ZNF282: variants seen among roughly 807,000 people sequenced by gnomAD.
ZNF282 encodes zinc finger protein 282.
Under a neutral mutation model 61.9 loss-of-function variants are expected in ZNF282, and 30 were observed. That is an observed-to-expected ratio of 0.48 (90% CI 0.36 to 0.66). The LOEUF (loss-of-function observed/expected upper bound fraction) is 0.66. Among genes scored for constraint, ZNF282 ranks in the 30% least tolerant of loss-of-function variants. The pLI, the probability that ZNF282 is intolerant of heterozygous loss-of-function variation, is 0.00. For synonymous variants in ZNF282, 396 were observed against 405.0 expected (o/e 0.98, Z 0.27); for missense variants, 788 against 941.4 (o/e 0.84, Z 2.13).
intron 2 of ZNF282, among the ~76,000 whole-genome samples, chr7:149,200,146 C>T (rs1795885604): frequency 6.6e-6 from 1 of 152,168 alleles, no homozygotes; most frequent in Non-Finnish European, 1.5e-5. Context: ...GGCCACCTGT[C>T]CTGTTTTGCA....
At chr7:149,217,746 G>C (rs890534661) in intron 7 of ZNF282, among the ~76,000 whole-genome samples, 4 of 152,112 alleles carry the variant, frequency 2.6e-5, no homozygotes, top group Admixed American at 2.6e-4. Flanking sequence ...AAAGGCCTCC[G>C]AGGGGAAGCG....
At chr7:149,201,988 T>A (rs1311861292) in intron 2 of ZNF282, among the ~76,000 whole-genome samples, 1 of 152,010 alleles carries the variant, frequency 6.6e-6, no homozygotes, top group Non-Finnish European at 1.5e-5. Flanking sequence ...TCGCCACCTC[T>A]TCCATCAGGG....
intron 7 of ZNF282, among the ~76,000 whole-genome samples, chr7:149,215,689 T>C (rs929312330): frequency 8.5e-5 from 13 of 152,208 alleles, no homozygotes; most frequent in Admixed American, 7.9e-4. Flanking sequence ...ATGTCCTTAT[T>C]TCAAGTAGAA....
In ZNF282 at chr7:149,195,700, C is replaced by A; in HGVS notation, c.111C>A (p.Cys37Ter). 1 of 1,562,878 alleles carries A rather than the reference C, an allele frequency of 6.4e-7. No individual in the cohort carries two copies. The change falls in exon 1 of 8, where the codon TGC (cysteine) becomes TGA (stop). Residue 37 changes from cysteine to a stop codon, truncating the protein, a stop_gained. Transcript: ENST00000610704. LOFTEE classifies it high-confidence loss of function. ...AGGCTCTGCCCCCGGAGGAGGTCTG[C>A]CACCAGGAGCCGGCGCTGCGCGGGG... ...WAQALPPEEV[C>*]HQEPALRGEM...
In ZNF282 at chr7:149,198,148, G is replaced by A. The variant is rs1307601589; in HGVS notation, c.166-185G>A. Among the ~76,000 whole-genome samples the A allele has an allele frequency of 6.6e-6, 1 of 152,104 alleles. No individual in the cohort carries two copies. Among genetic ancestry groups the A allele is most frequent in the Admixed American group, 6.5e-5 (1 of 15,282 alleles). On this transcript the variant is annotated intron_variant, in intron 1 of 7. Transcript: ENST00000610704. The surrounding 1 kb of genome is among the most constrained non-coding windows in gnomAD (Gnocchi z 4.3). ...TCACCTAGGCAGGAGATGGGAGAGT[G>A]TTGAGTTGGGTGGGTGGGTGAGTGG...
Position 149,212,491 on chromosome 7 carries a change from GAATC to G in ZNF282, c.1066+21_1066+24del. 3 of 1,540,148 alleles carry G rather than the reference GAATC, an allele frequency of 1.9e-6. No individual in the cohort carries two copies. The highest frequency in any genetic ancestry group is 2.3e-5 in the South Asian group (2 of 85,182). On this transcript the variant is annotated intron_variant, in intron 6 of 7. Coordinates refer to ENST00000610704, the MANE Select transcript of ZNF282 (RefSeq NM_003575.4). The stretch of plus-strand genomic sequence containing the variant: ...ATTCAGGTGAGAACAAGGTCAGAAT[GAATC>G]TTGAGGGCAACAAGTGTTTTTCAAA...
intron 2 of ZNF282, among the ~76,000 whole-genome samples, chr7:149,201,077 G>A (rs188199031): frequency 6.6e-5 from 10 of 152,230 alleles, no homozygotes; most frequent in South Asian, 4.2e-4. Flanking sequence ...AGTGAACTGC[G>A]GATCGCCTGC....
intron 7 of ZNF282, among the ~76,000 whole-genome samples, chr7:149,221,250 A>G (rs1267289087): frequency 1.3e-5 from 2 of 152,214 alleles, no homozygotes; most frequent in African/African-American, 2.4e-5. Flanking sequence ...GCCTGAGTGC[A>G]GTCACAGGAC....
chr7:149,211,301 G>A (rs1796081197), intron 5 of ZNF282, among the ~76,000 whole-genome samples: 1 of 152,160 alleles, frequency 6.6e-6, no homozygotes. Flanking sequence ...TTATTTTAAG[G>A]AATTGGCTTG....
intron 2 of ZNF282, among the ~76,000 whole-genome samples, chr7:149,203,079 T>G (rs1192231459): frequency 6.6e-6 from 1 of 152,212 alleles, no homozygotes; most frequent in African/African-American, 2.4e-5. Context: ...GCAAAACATT[T>G]CCTGGCACTG....
chr7:149,224,106 C>G lies in ZNF282; in HGVS notation c.1475C>G (p.Ala492Gly). The G allele has an allele frequency of 7.1e-7, 1 of 1,407,116 alleles. No individual in the cohort carries two copies. 87.2% of individuals were successfully genotyped at this position (1,407,116 alleles called of 1,614,324 possible). Residue 492 changes from alanine (A) to glycine (G), a missense_variant, in exon 8 of 8, where the codon GCA becomes GGA. By Grantham distance (60) the Ala-to-Gly change is moderately conservative. This residue lies in a region of ZNF282 where 559 missense variants were observed against 642.0 expected (regional missense o/e 0.87). Transcript: ENST00000610704. Reference sequence around the variant, plus strand: ...GGCGGCGCGGAGGCGGGGACGGGGGCAGGCGGCGGCTGTGGCAGCTGCTGC... The same window carrying G: ...GGCGGCGCGGAGGCGGGGACGGGGGGAGGCGGCGGCTGTGGCAGCTGCTGC... Reference protein sequence around the residue: ...GGGGAEAGTGAGGGCGSCCPG... With the variant: ...GGGGAEAGTGGGGGCGSCCPG...
intron 2 of ZNF282, among the ~76,000 whole-genome samples, chr7:149,203,137 C>T (rs1256419741): frequency 6.6e-6 from 1 of 152,212 alleles, no homozygotes; most frequent in African/African-American, 2.4e-5. Flanking sequence ...TGTCGCTTGT[C>T]TAGCACAATC....
In ZNF282 at chr7:149,207,401, A is replaced by G; in HGVS notation, c.763A>G (p.Arg255Gly). The G allele has an allele frequency of 6.3e-7, 1 of 1,579,374 alleles. No individual in the cohort carries two copies. Among genetic ancestry groups the G allele is most frequent in the East Asian group, 2.3e-5 (1 of 43,204 alleles). ...KPDAPVQAEP[R>G]EEPCVWEQRH... is the part of the protein sequence containing the mutation. Reference sequence around the variant, plus strand: ...AGATGCTCCAGTCCAGGCTGAGCCCAGGGAAGAACCTTGTGTGTGGGAGCA... The same window carrying G: ...AGATGCTCCAGTCCAGGCTGAGCCCGGGGAAGAACCTTGTGTGTGGGAGCA... The change falls in exon 4 of 8, where the codon AGG (arginine) becomes GGG (glycine). Residue 255 changes from arginine to glycine, a missense_variant. By Grantham distance (125) the Arg-to-Gly change is moderately radical. Coordinates refer to ENST00000610704, the MANE Select transcript of ZNF282 (RefSeq NM_003575.4).
chr7:149,207,210 CG>C, intron 3 of ZNF282, 140 bp from the exon 4 acceptor site: 1 of 1,044,452 alleles, frequency 9.6e-7, no homozygotes, highest in Non-Finnish European at 1.3e-6. Context: ...TCAGATTACC[CG>C]CCTAACTCGC....
intron 7 of ZNF282, among the ~76,000 whole-genome samples, chr7:149,221,362 G>T (rs968117502): frequency 6.6e-6 from 1 of 152,206 alleles, no homozygotes; most frequent in African/African-American, 2.4e-5. Context: ...GGTCAGGAAG[G>T]CAGAAAAAGG....
At chr7:149,209,643 C>CGGAA (rs1391975106) in intron 4 of ZNF282, among the ~76,000 whole-genome samples, 2 of 152,082 alleles carry the variant, frequency 1.3e-5, no homozygotes, top group Non-Finnish European at 2.9e-5. Context: ...AAGGGTAGAC[C>CGGAA]GGAACCCAGA....
Position 149,195,712 on chromosome 7 carries a change from G to A in ZNF282, c.123G>A (p.Pro41=). ...CGGAGGAGGTCTGCCACCAGGAGCC[G>A]GCGCTGCGCGGGGAAATGGCCGAGG... The part of the protein sequence containing the change: ...LPPEEVCHQE[P]ALRGEMAEGM... Residue 41 remains proline (P), a synonymous_variant, in exon 1 of 8, where the codon CCG becomes CCA. Coordinates refer to ENST00000610704, the MANE Select transcript of ZNF282 (RefSeq NM_003575.4). 1 of 1,549,846 alleles carries A rather than the reference G, an allele frequency of 6.5e-7. No homozygotes were observed. Among genetic ancestry groups the A allele is most frequent in the Non-Finnish European group, 8.7e-7 (1 of 1,149,348 alleles).
chr7:149,202,076 C>T lies in ZNF282; in HGVS notation c.585+3324C>T, dbSNP rs181869353. On this transcript the variant is annotated intron_variant, in intron 2 of 7. Transcript: ENST00000610704. ...AAGAACCACGTCCCCCAAGCACACT[C>T]GTCTCCCTGCCCTTACTCGAATTTT... Among the ~76,000 whole-genome samples, 946 of 152,132 alleles carry T rather than the reference C, an allele frequency of 6.2e-3. 5 individuals are homozygous for T. The highest frequency in any genetic ancestry group is 0.022 in the African/African-American group (919 of 41,486).
intron 7 of ZNF282, 68 bp from the exon 8 acceptor site, chr7:149,223,744 C>A: frequency 7.2e-7 from 1 of 1,391,012 alleles, no homozygotes; most frequent in Non-Finnish European, 9.3e-7. Flanking sequence ...CTGGGCCCCC[C>A]TTCGGGAGCA....
Sources: gnomAD v4.1 joint callset for allele counts (sites outside exome capture counted in the v4.1 genomes callset) on GRCh38, gnomAD v4.1.1 for gene constraint, gnomAD v4.1.1 regional missense constraint, Gnocchi (gnomAD v3.1) non-coding constraint, MANE v1.5 for transcripts, NCBI Gene and HGNC (gene_info 2026-07-23, HGNC 2026-07-21) for gene names.